Variants in PAQR3 observed in about 807,000 individuals in gnomAD.
PAQR3 encodes Raf kinase trapping to Golgi.
Under a neutral mutation model 41.7 loss-of-function variants are expected in PAQR3, and 39 were observed. The observed-to-expected ratio is 0.93, with a 90% CI of 0.72 to 1.22. PAQR3 has a LOEUF of 1.22. Among genes scored for constraint, PAQR3 ranks in the 50% most tolerant of loss-of-function variants. PAQR3 has a pLI of 0.00. For synonymous variants in PAQR3, 140 were observed against 140.6 expected, an observed-to-expected ratio of 1.00 and a Z score of 0.03; for missense variants, 366 against 385.6, an observed-to-expected ratio of 0.95 and a Z score of 0.42.
intron 5 of PAQR3, chr4:78,922,433 A>T: frequency 7.8e-7 from 1 of 1,288,696 alleles, no homozygotes; most frequent in South Asian, 1.2e-5. Flanking sequence ...TTAACCCAGG[A>T]AGAAGAGGGG....
At chr4:78,908,225 C>T (rs768544005), downstream of PAQR3, among the ~76,000 whole-genome samples, 1 of 152,146 alleles carries the variant, frequency 6.6e-6, no homozygotes, top group African/African-American at 2.4e-5. Flanking sequence ...TTGTCTCCCA[C>T]ACATTCTTTA....
At position 78,912,152 on chromosome 4, in the gene PAQR3, T is replaced by A; in HGVS notation, c.*8387A>T. On this transcript the variant is annotated 3_prime_UTR_variant, in exon 6 of 6. Transcript: ENST00000512733. ...ATTCATTCTTAAAGATCAGTCAGAATAGGTGATTTCTAAATAAACCAAATA... is the reference window on the plus strand; with the variant it reads ...ATTCATTCTTAAAGATCAGTCAGAAAAGGTGATTTCTAAATAAACCAAATA... 2.2e-6 allele frequency: 2 copies of A among 908,464 alleles called. No individual in the cohort carries two copies. Among genetic ancestry groups the A allele is most frequent in the Non-Finnish European group, 3.4e-6 (2 of 585,836 alleles). 56.3% of individuals were successfully genotyped at this position (908,464 alleles called of 1,614,324 possible). A position where few individuals can be genotyped will look rare whatever the true frequency, so the allele number is the denominator to read the frequency against.
In PAQR3 at chr4:78,917,293, A is replaced by T. The variant is rs977482906; in HGVS notation, c.*3246T>A. On this transcript the variant is annotated 3_prime_UTR_variant, in exon 6 of 6. Coordinates refer to ENST00000512733, the MANE Select transcript of PAQR3 (RefSeq NM_001040202.2). ...AGTTCAGATGGTTGTCACAATTGAGATTATGTGCAGGTTAGGTAGTATTTT... is the reference window on the plus strand; with the variant it reads ...AGTTCAGATGGTTGTCACAATTGAGTTTATGTGCAGGTTAGGTAGTATTTT... 2.0e-5 allele frequency: 3 copies of T among 151,914 alleles called. No homozygotes were observed. The highest frequency in any genetic ancestry group is 7.2e-5 in the African/African-American group (3 of 41,394). 9.4% of individuals were successfully genotyped at this position (151,914 alleles called of 1,614,324 possible). A position where few individuals can be genotyped will look rare whatever the true frequency, so the allele number is the denominator to read the frequency against.
Position 78,919,379 on chromosome 4 carries a change from G to A in PAQR3, c.*1160C>T. 1 of 984,112 alleles carries A rather than the reference G, an allele frequency of 1.0e-6. No homozygotes were observed. The highest frequency in any genetic ancestry group is 1.7e-5 in the African/African-American group (1 of 57,210). 61.0% of individuals were successfully genotyped at this position (984,112 alleles called of 1,614,324 possible). On this transcript the variant is annotated 3_prime_UTR_variant, in exon 6 of 6. Coordinates refer to ENST00000512733, the MANE Select transcript of PAQR3 (RefSeq NM_001040202.2). ...CATATGAAAGACCAAAGAATAAGAG[G>A]GCTACAATGTATGATAGGGCAGTGA...
In PAQR3 at chr4:78,919,493, T is replaced by C. The variant is rs1735443172; in HGVS notation, c.*1046A>G. ...GTTTATCAAGATTCTGAGTTATCAA[T>C]GCAATGCTAACACATGCAGAAACCG... On this transcript the variant is annotated 3_prime_UTR_variant, in exon 6 of 6. Transcript: ENST00000512733. 3.0e-6 allele frequency: 3 copies of C among 985,038 alleles called. No individual in the cohort carries two copies. Among genetic ancestry groups the C allele is most frequent in the Admixed American group, 6.2e-5 (1 of 16,192 alleles). 61.0% of individuals were successfully genotyped at this position (985,038 alleles called of 1,614,324 possible). A position where few individuals can be genotyped will look rare whatever the true frequency, so the allele number is the denominator to read the frequency against.
chr4:78,898,486 A>C (rs1455206657), intron 11 of PAQR3, among the ~76,000 whole-genome samples: 1 of 151,644 alleles, frequency 6.6e-6, no homozygotes, highest in African/African-American at 2.4e-5. Flanking sequence ...ATATGGAGAC[A>C]GTGGAGGTAA....
intron 1 of PAQR3, among the ~76,000 whole-genome samples, chr4:78,938,699 GGTATAC>G (rs1417770275): frequency 1.3e-5 from 2 of 151,892 alleles, no homozygotes; most frequent in African/African-American, 4.8e-5. Flanking sequence ...TAAAAAGAAA[GGTATAC>G]ACCGGGCAAA....
chr4:78,937,030 T>C (rs577691874), intron 1 of PAQR3, among the ~76,000 whole-genome samples: 1 of 152,326 alleles, frequency 6.6e-6, no homozygotes, highest in East Asian at 1.9e-4. Flanking sequence ...TCCTGCACAG[T>C]AGACACACCT....
At chr4:78,911,877 G>T (rs781067954), downstream of PAQR3, 2 of 1,613,832 alleles carry the variant, frequency 1.2e-6, no homozygotes, top group East Asian at 2.2e-5. Flanking sequence ...CACTACATGG[G>T]TCATTCCATA....
In PAQR3 at chr4:78,939,412, G is replaced by A; in HGVS notation, c.-188C>T. Reference sequence around the variant, plus strand: ...CGGCCACTGCCGCCAGCGCCGCGGCGGACCCGGCAGCGTCGCAGCCTCCTC... The same window carrying A: ...CGGCCACTGCCGCCAGCGCCGCGGCAGACCCGGCAGCGTCGCAGCCTCCTC... On this transcript the variant is annotated 5_prime_UTR_variant, in exon 1 of 6. Transcript: ENST00000512733. 2 of 307,374 alleles carry A rather than the reference G, an allele frequency of 6.5e-6. No individual in the cohort carries two copies. Among genetic ancestry groups the A allele is most frequent in the South Asian group, 1.5e-4 (1 of 6,872 alleles). The allele number at this position is 307,374 out of a possible 1,614,324, so 19.0% of individuals were successfully genotyped here.
intron 4 of PAQR3, 31 bp from the exon 5 acceptor site, chr4:78,923,978 C>T (rs747501788): frequency 2.1e-6 from 3 of 1,448,534 alleles, no homozygotes; most frequent in Non-Finnish European, 2.9e-6. Flanking sequence ...TTTTACAGAT[C>T]TTCCTACTGT....
At chr4:78,926,382 C>T (rs7664587) in intron 4 of PAQR3, 139 bp downstream of exon 4, 565,835 of 675,556 alleles carry the variant, frequency 0.84, 237,747 homozygotes, top group East Asian at 0.92. Context: ...GTGAAAATTA[C>T]GGCATCAACA....
rs1215620781 is a variant in PAQR3 at position 78,918,854 on chromosome 4, A to C, written c.*1685T>G. Reference sequence around the variant, plus strand: ...AAAAGGCAATAAAATCATGTAAGCCAATAAGGGATGTTCTAGGAGAAATAT... The same window carrying C: ...AAAAGGCAATAAAATCATGTAAGCCCATAAGGGATGTTCTAGGAGAAATAT... On this transcript the variant is annotated 3_prime_UTR_variant, in exon 6 of 6. Transcript: ENST00000512733. 1 of 984,476 alleles carries C rather than the reference A, an allele frequency of 1.0e-6. No individual in the cohort carries two copies. The highest frequency in any genetic ancestry group is 1.2e-6 in the Non-Finnish European group (1 of 829,296). The allele number at this position is 984,476 out of a possible 1,614,324, so 61.0% of individuals were successfully genotyped here.
At chr4:78,921,963 T>C in intron 5 of PAQR3, 6 of 984,132 alleles carry the variant, frequency 6.1e-6, no homozygotes, top group Non-Finnish European at 7.2e-6. Context: ...ATTGTTTATA[T>C]ATGTCCTATA....
At chr4:78,892,382 A>T (rs1274289754) in intron 11 of PAQR3, among the ~76,000 whole-genome samples, 1 of 152,174 alleles carries the variant, frequency 6.6e-6, no homozygotes, top group Non-Finnish European at 1.5e-5. Flanking sequence ...AGTTTTTAAT[A>T]ATGTTCCAGT....
chr4:78,902,531 C>T (rs925518577), intron 11 of PAQR3, among the ~76,000 whole-genome samples: 2 of 152,080 alleles, frequency 1.3e-5, no homozygotes, highest in African/African-American at 4.8e-5. Context: ...GCTGCCAATT[C>T]AAAGTGAACT....
In PAQR3 at chr4:78,939,427, G is replaced by A. The variant is rs1578050879; in HGVS notation, c.-203C>T. The A allele has an allele frequency of 4.0e-6, 1 of 249,756 alleles. No homozygotes were observed. 15.5% of individuals were successfully genotyped at this position (249,756 alleles called of 1,614,324 possible). ...GCGCCGCGGCGGACCCGGCAGCGTC[G>A]CAGCCTCCTCTGACGTCAGCGCGCC... On this transcript the variant is annotated 5_prime_UTR_variant, in exon 1 of 6. Coordinates refer to ENST00000512733, the MANE Select transcript of PAQR3 (RefSeq NM_001040202.2).
chr4:78,911,152 C>G, downstream of PAQR3: 1 of 1,613,908 alleles, frequency 6.2e-7, no homozygotes, highest in Non-Finnish European at 8.5e-7. Context: ...AGTGCGTGCT[C>G]AACAGCCCCA....
At position 78,917,210 on chromosome 4, in the gene PAQR3, T is replaced by A. The variant is rs1735167060; in HGVS notation, c.*3329A>T. 6.6e-6 allele frequency: 1 copy of A among 151,974 alleles called. No individual in the cohort carries two copies. The highest frequency in any genetic ancestry group is 6.6e-5 in the Admixed American group (1 of 15,212). The allele number at this position is 151,974 out of a possible 1,614,324, so 9.4% of individuals were successfully genotyped here. ...GTCAAGCATCATATGTAACATGTAGTTAATATTCTCATATTGAAAGCTTGA... is the reference window on the plus strand; with the variant it reads ...GTCAAGCATCATATGTAACATGTAGATAATATTCTCATATTGAAAGCTTGA... On this transcript the variant is annotated 3_prime_UTR_variant, in exon 6 of 6. Coordinates refer to ENST00000512733, the MANE Select transcript of PAQR3 (RefSeq NM_001040202.2).
Sources: allele counts gnomAD v4.1 joint callset (sites outside exome capture counted in the v4.1 genomes callset), GRCh38; gene constraint gnomAD v4.1.1; transcripts MANE v1.5; gene names NCBI Gene and HGNC (gene_info 2026-07-23, HGNC 2026-07-21).